RPS6KA2: variants seen among roughly 807,000 people sequenced by gnomAD.
The protein encoded by RPS6KA2 is ribosomal protein S6 kinase alpha-2.
RPS6KA2 carries 42 observed loss-of-function variants against 91.8 expected under a neutral mutation model. The ratio of observed to expected loss-of-function variants is 0.46; its 90% CI spans 0.36 to 0.59. RPS6KA2 has a LOEUF of 0.59. RPS6KA2 is among the 20% of genes least tolerant of loss of function. The pLI, the probability that RPS6KA2 is intolerant of heterozygous loss-of-function variation, is 0.00. For synonymous variants in RPS6KA2, 414 were observed against 393.6 expected (o/e 1.05, Z -0.61); for missense variants, 798 against 978.5 (o/e 0.82, Z 2.46).
Position 166,478,729 on chromosome 6 carries a change from G to A in RPS6KA2, c.908-8824C>T, listed in dbSNP as rs149009534. Among the ~76,000 whole-genome samples the A allele has an allele frequency of 4.6e-5, 7 of 152,268 alleles. No homozygotes were observed. In the East Asian group the frequency reaches 5.8e-4, roughly 13 times the overall value. ...CAGATGAGCAGGAAGCAATGAGGCC[G>A]GGGGGTTGGACACCCTTCCCGGCCA... On this transcript the variant is annotated intron_variant, in intron 10 of 20. Transcript: ENST00000265678.
intron 2 of RPS6KA2, among the ~76,000 whole-genome samples, chr6:166,703,380 C>A (rs1789586253): frequency 6.6e-6 from 1 of 152,200 alleles, no homozygotes; most frequent in Non-Finnish European, 1.5e-5. Flanking sequence ...TGGCATTCTG[C>A]CTCCTACACG....
At chr6:166,542,659 G>A (rs1040663640) in intron 1 of RPS6KA2, among the ~76,000 whole-genome samples, 3 of 152,210 alleles carry the variant, frequency 2.0e-5, no homozygotes, top group African/African-American at 7.2e-5. Context: ...AATGACTGCA[G>A]GAAGTCCCGG....
At chr6:166,558,205 A>G (rs1784234361) in intron 1 of RPS6KA2, among the ~76,000 whole-genome samples, 2 of 152,046 alleles carry the variant, frequency 1.3e-5, no homozygotes, top group Admixed American at 1.3e-4. Flanking sequence ...GAAGCTGACG[A>G]GTCCCAAGGT....
At chr6:166,677,266 T>C (rs979776685) in intron 2 of RPS6KA2, among the ~76,000 whole-genome samples, 8 of 152,140 alleles carry the variant, frequency 5.3e-5, no homozygotes, top group African/African-American at 1.9e-4. Flanking sequence ...CAGAACCGCC[T>C]GATTCTGAGA....
intron 1 of RPS6KA2, among the ~76,000 whole-genome samples, chr6:166,858,830 C>T (rs1406527688): frequency 6.6e-6 from 1 of 152,230 alleles, no homozygotes; most frequent in Non-Finnish European, 1.5e-5. Flanking sequence ...TTCTACTTAA[C>T]AACTTGGAGC....
At chr6:166,771,654 A>G (rs914266776) in intron 2 of RPS6KA2, among the ~76,000 whole-genome samples, 2 of 152,124 alleles carry the variant, frequency 1.3e-5, no homozygotes, top group Non-Finnish European at 2.9e-5. Flanking sequence ...CTTGGCTCAT[A>G]CCCACTGAAA....
rs138130776 is a variant in RPS6KA2, at chr6:166,707,646, T to A, written c.123+150554A>T. On this transcript the variant is annotated intron_variant, in intron 2 of 21. Coordinates refer to the RPS6KA2 transcript ENST00000503859. The stretch of plus-strand genomic sequence containing the variant: ...GGTGCACCTGGATCAGATTGGGAGG[T>A]GACTAAACAAGTGACCTAAAATGTA... 2.6e-4 allele frequency among the ~76,000 whole-genome samples: 40 copies of A among 152,078 alleles called. No individual in the cohort carries two copies. The East Asian group carries it at 7.5e-3, about 29-fold the overall frequency.
intron 2 of RPS6KA2, among the ~76,000 whole-genome samples, chr6:166,820,487 G>C (rs1779882065): frequency 1.3e-5 from 2 of 152,122 alleles, no homozygotes; most frequent in African/African-American, 2.4e-5. Flanking sequence ...AGTTGTCTTG[G>C]GAATATAAAG....
chr6:166,425,732 A>C (rs1307574740), intron 16 of RPS6KA2, among the ~76,000 whole-genome samples: 4 of 152,076 alleles, frequency 2.6e-5, no homozygotes, highest in African/African-American at 9.7e-5. Context: ...TAAAGGGATC[A>C]ATTCAACAAG....
intron 2 of RPS6KA2, among the ~76,000 whole-genome samples, chr6:166,669,771 G>A (rs1474996854): frequency 6.6e-6 from 1 of 152,144 alleles, no homozygotes; most frequent in East Asian, 1.9e-4. Context: ...TGAAAGACAA[G>A]ATTCTGGCTG....
intron 3 of RPS6KA2, among the ~76,000 whole-genome samples, chr6:166,522,660 G>A (rs771678653): frequency 3.1e-4 from 47 of 152,318 alleles, no homozygotes; most frequent in Middle Eastern, 3.4e-3. Flanking sequence ...TATTGAGCCT[G>A]AAATTATATC....
intron 11 of RPS6KA2, among the ~76,000 whole-genome samples, chr6:166,469,188 C>T (rs117259014): frequency 0.041 from 6,258 of 152,286 alleles, 194 homozygotes; most frequent in Middle Eastern, 0.088. Context: ...AGGCAATTGA[C>T]ACTTGTAGCT....
Position 166,526,481 on chromosome 6 carries a change from G to A in RPS6KA2, c.298+4751C>T, listed in dbSNP as rs371837901. Among the ~76,000 whole-genome samples, 112 of 151,902 alleles carry A rather than the reference G, an allele frequency of 7.4e-4. 2 individuals are homozygous for A. In the South Asian group the frequency reaches 0.023, roughly 31 times the overall value. On this transcript the variant is annotated intron_variant, in intron 3 of 20. Transcript: ENST00000265678. ...CCACCTCAGCCTCCCAAGTAGCTGG[G>A]AATACAGGTGTGCGCCACCATACCC...
At chr6:166,472,770 G>C (rs571530784) in intron 10 of RPS6KA2, among the ~76,000 whole-genome samples, 1 of 152,138 alleles carries the variant, frequency 6.6e-6, no homozygotes, top group Non-Finnish European at 1.5e-5. Context: ...CTGGAATCAC[G>C]GCTGGCTCGC....
chr6:166,508,906 G>A lies in RPS6KA2; in HGVS notation c.380-624C>T, dbSNP rs752347271. ...ACAGCTCCTGCCCACACTCAGCAAGGGCCTGCCTCTGTTGAGCGGGCGCAT... is the reference window on the plus strand; with the variant it reads ...ACAGCTCCTGCCCACACTCAGCAAGAGCCTGCCTCTGTTGAGCGGGCGCAT... On this transcript the variant is annotated intron_variant, in intron 4 of 20. Transcript: ENST00000265678. This position sits in a 1 kb window ranked among gnomAD's most constrained non-coding sequence, Gnocchi z 4.3. Among the ~76,000 whole-genome samples the A allele has an allele frequency of 6.6e-6, 1 of 152,138 alleles. No individual in the cohort carries two copies. The highest frequency in any genetic ancestry group is 1.5e-5 in the Non-Finnish European group (1 of 68,032).
At chr6:166,744,352 C>A (rs1355509526) in intron 2 of RPS6KA2, among the ~76,000 whole-genome samples, 2 of 129,784 alleles carry the variant, frequency 1.5e-5, no homozygotes, top group Non-Finnish European at 3.2e-5. Flanking sequence ...CTGGGCCATG[C>A]TGGCCTCGCC....
intron 2 of RPS6KA2, among the ~76,000 whole-genome samples, chr6:166,807,202 T>C (rs569667183): frequency 3.3e-5 from 5 of 152,272 alleles, no homozygotes; most frequent in South Asian, 2.1e-4. Flanking sequence ...AAGGCAAATA[T>C]TGGGAGAATG....
intron 2 of RPS6KA2, among the ~76,000 whole-genome samples, chr6:166,783,857 G>A (rs75176054): frequency 0.043 from 2,310 of 53,930 alleles, 396 homozygotes; most frequent in African/African-American, 0.19. Flanking sequence ...TACCACATAT[G>A]CACACGTGCA....
intron 2 of RPS6KA2, among the ~76,000 whole-genome samples, chr6:166,684,380 G>A (rs912148827): frequency 6.6e-6 from 1 of 152,202 alleles, no homozygotes; most frequent in African/African-American, 2.4e-5. Flanking sequence ...AAATATGACT[G>A]CAGGCCTGCC....
Sources: gnomAD v4.1 joint callset for allele counts (sites outside exome capture counted in the v4.1 genomes callset) on GRCh38, gnomAD v4.1.1 for gene constraint, Gnocchi (gnomAD v3.1) non-coding constraint, MANE v1.5 for transcripts, NCBI Gene and HGNC (gene_info 2026-07-23, HGNC 2026-07-21) for gene names.